The following CYP2F1 variants were observed in gnomAD, a reference collection of about 807,000 sequenced individuals.
CYP2F1 encodes the protein cytochrome P450 family 2 subfamily F member 1, also known as cytochrome P450 2F1.
A neutral mutation model predicts 40.4 loss-of-function variants in CYP2F1; 33 were observed. That is an observed-to-expected ratio of 0.82 (90% CI 0.62 to 1.09). The LOEUF is 1.09. CYP2F1 is among the 50% of genes least tolerant of loss of function. CYP2F1 has a pLI of 0.00. For missense variants in CYP2F1, 566 were observed against 655.7 expected (o/e 0.86, Z 1.49); for synonymous variants, 235 against 277.2 (o/e 0.85, Z 1.51).
At chr19:41,127,148 C>T (rs893809907) in intron 9 of CYP2F1, among the ~76,000 whole-genome samples, 2 of 152,178 alleles carry the variant, frequency 1.3e-5, no homozygotes, top group Admixed American at 1.3e-4. Flanking sequence ...TGTTACTCCA[C>T]TTCTCTGTGC....
chr19:41,122,822 GAGA>G lies in CYP2F1; in HGVS notation c.826_828del (p.Lys276del), dbSNP rs1372949066. 6 of 1,534,768 alleles carry G rather than the reference GAGA, an allele frequency of 3.9e-6. No individual in the cohort carries two copies. Among genetic ancestry groups the G allele is most frequent in the Non-Finnish European group, 2.6e-6 (3 of 1,140,056 alleles). On this transcript the variant is annotated inframe_deletion and splice_region_variant, in exon 7 of 10. Transcript: ENST00000331105. ...CATCCCCACCCCTCTACCAATGCAG[GAGA>G]AGGAGGACCCACTGAGCCACTTCCA...
rs2032618565 is a variant in CYP2F1 at position 41,128,106 on chromosome 19, C to T, written c.*24C>T. ...AACGCCCCGGCCCTTCCAGATTCGCCTGTGAGCGATGAGGCCCGCCCATGC... is the reference window on the plus strand; with the variant it reads ...AACGCCCCGGCCCTTCCAGATTCGCTTGTGAGCGATGAGGCCCGCCCATGC... On this transcript the variant is annotated 3_prime_UTR_variant, in exon 10 of 10. Transcript: ENST00000331105. 6.3e-7 allele frequency: 1 copy of T among 1,589,314 alleles called. No homozygotes were observed. The highest frequency in any genetic ancestry group is 8.6e-7 in the Non-Finnish European group (1 of 1,167,736).
rs979206615 is a variant in CYP2F1 at position 41,124,762 on chromosome 19, G to A, written c.1008G>A (p.Arg336=). The A allele has an allele frequency of 1.9e-6, 3 of 1,606,994 alleles. No individual in the cohort carries two copies. The highest frequency in any genetic ancestry group is 2.5e-6 in the Non-Finnish European group (3 of 1,179,386). ...TCGACCTCGTGGTGGGACGCGCGCG[G>A]CTGCCGGCGCTGAAGGACCGCGCGG... ...EEIDLVVGRA[R]LPALKDRAAM... is the part of the protein sequence containing the mutation. The change falls in exon 8 of 10, where the codon CGG becomes CGA. Residue 336 remains arginine (R), a synonymous_variant. Coordinates refer to ENST00000331105, the MANE Select transcript of CYP2F1 (RefSeq NM_000774.5).
rs368904004 is a variant in CYP2F1 at position 41,124,955 on chromosome 19, G to A, written c.1152+49G>A. The A allele has an allele frequency of 7.3e-6, 11 of 1,500,152 alleles. No homozygotes were observed. The South Asian group carries it at 8.8e-5, about 12-fold the overall frequency. The allele number at this position is 1,500,152 out of a possible 1,614,324, so 92.9% of individuals were successfully genotyped here. ...ATCAGGCAACCTAAGAGGAGGCATC[G>A]CAGGCTCTTGCACTGGCAAGGAGTA... is the stretch of plus-strand genomic sequence containing the variant. On this transcript the variant is annotated intron_variant, in intron 8 of 9. Transcript: ENST00000331105.
In CYP2F1 at chr19:41,116,483, C is replaced by T. The variant is rs2031814582; in HGVS notation, c.200C>T (p.Thr67Ile). 5 of 1,613,602 alleles carry T rather than the reference C, an allele frequency of 3.1e-6. No homozygotes were observed. The highest frequency in any genetic ancestry group is 2.7e-5 in the African/African-American group (2 of 74,892). The change falls in exon 3 of 10, where the codon ACA becomes ATA. Residue 67 changes from threonine (T) to isoleucine (I), a missense_variant. Thr to Ile is a moderately conservative substitution (Grantham distance 89, BLOSUM62 -1). Transcript: ENST00000331105. ...AGCAAGGAGTATGGCTCCATGTACA[C>T]AGTGCACCTGGGACCCAGGCGGGTG... ...KLSKEYGSMY[T>I]VHLGPRRVVV... is the part of the protein sequence containing the mutation.
intron 3 of CYP2F1, among the ~76,000 whole-genome samples, chr19:41,117,824 T>A (rs545164755): frequency 1.3e-4 from 19 of 143,068 alleles, no homozygotes; most frequent in African/African-American, 4.1e-4. Context: ...TCCTGTGGTC[T>A]TCAAACTTTA....
At position 41,122,095 on chromosome 19, in the gene CYP2F1, C is replaced by G. The variant is rs561045811; in HGVS notation, c.784C>G (p.Arg262Gly). ...HQASLDPRSP[R>G]DFIQCFLTKM... ...GGCCTCGCTAGACCCCAGATCTCCC[C>G]GGGACTTCATCCAGTGCTTCCTCAC... is the stretch of plus-strand genomic sequence containing the variant. Residue 262 changes from arginine (R) to glycine (G), a missense_variant, in exon 6 of 10, where the codon CGG (arginine) becomes GGG (glycine). By Grantham distance (125) the Arg-to-Gly change is moderately radical. Transcript: ENST00000331105. 1.3e-6 allele frequency: 2 copies of G among 1,541,942 alleles called. No homozygotes were observed. Among genetic ancestry groups the G allele is most frequent in the East Asian group, 2.3e-5 (1 of 44,238 alleles).
Position 41,125,275 on chromosome 19 carries a change from C to G in CYP2F1, c.1153-218C>G, listed in dbSNP as rs2032485944. The G allele has an allele frequency of 4.8e-6, 3 of 618,912 alleles. No homozygotes were observed. In the Admixed American group the frequency reaches 9.7e-5, roughly 20 times the overall value. 38.3% of individuals were successfully genotyped at this position (618,912 alleles called of 1,614,324 possible). A position where few individuals can be genotyped will look rare whatever the true frequency, so the allele number is the denominator to read the frequency against. On this transcript the variant is annotated intron_variant, in intron 8 of 9. Coordinates refer to ENST00000331105, the MANE Select transcript of CYP2F1 (RefSeq NM_000774.5). The stretch of plus-strand genomic sequence containing the variant: ...GTTCCCACAAAGGTTGGGGGTTTCC[C>G]ACATCCCTGCCAAAGTCCCCAATAA...
At chr19:41,125,313 C>T (rs1412316776) in intron 8 of CYP2F1, 180 bp from the exon 9 acceptor site, 10 of 603,256 alleles carry the variant, frequency 1.7e-5, no homozygotes, top group Non-Finnish European at 3.0e-5. Flanking sequence ...CAGCATATAG[C>T]ACCCATCACT....
chr19:41,119,719 C>A (rs866766566), intron 3 of CYP2F1, among the ~76,000 whole-genome samples: 254 of 37,970 alleles, frequency 6.7e-3, no homozygotes, highest in African/African-American at 0.011. Context: ...CTCTCTCTCT[C>A]TCTCTATATA....
intron 8 of CYP2F1, 40 bp from the exon 9 acceptor site, chr19:41,125,453 G>A: frequency 8.8e-7 from 1 of 1,131,872 alleles, no homozygotes; most frequent in Non-Finnish European, 1.3e-6. Flanking sequence ...GAGCCTCCCA[G>A]CCCTCCTACA....
intron 3 of CYP2F1, among the ~76,000 whole-genome samples, chr19:41,119,569 A>G (rs1038460734): frequency 4.0e-5 from 6 of 151,726 alleles, no homozygotes; most frequent in Non-Finnish European, 5.9e-5. Context: ...CATGCCTGTA[A>G]TCCCAGCTAC....
At chr19:41,118,326 G>A (rs2144748458) in intron 3 of CYP2F1, among the ~76,000 whole-genome samples, 1 of 152,090 alleles carries the variant, frequency 6.6e-6, no homozygotes, top group East Asian at 1.9e-4. Context: ...AGGATGGAAG[G>A]AAGCCATCAT....
At chr19:41,116,405 G>C in intron 2 of CYP2F1, 46 bp downstream of exon 2, 1 of 1,608,988 alleles carries the variant, frequency 6.2e-7, no homozygotes, top group East Asian at 2.2e-5. Context: ...TAAGGAGGAG[G>C]GGTCCCATGG....
At chr19:41,119,723 C>CTATATA (rs1290627675) in intron 3 of CYP2F1, among the ~76,000 whole-genome samples, 69 of 35,722 alleles carry the variant, frequency 1.9e-3, no homozygotes, top group African/African-American at 2.7e-3. Context: ...CTCTCTCTCT[C>CTATATA]TATATATATA....
intron 9 of CYP2F1, among the ~76,000 whole-genome samples, chr19:41,126,623 G>A (rs1319896331): frequency 1.3e-5 from 2 of 151,612 alleles, no homozygotes; most frequent in East Asian, 1.9e-4. Context: ...GTGGTGTGGT[G>A]TGCATCTGTG....
Position 41,115,783 on chromosome 19 carries a change from A to G in CYP2F1, c.-11-395A>G. Among the ~76,000 whole-genome samples the G allele has an allele frequency of 1.4e-5, 2 of 138,700 alleles. 1 individual carries two copies. Among genetic ancestry groups the G allele is most frequent in the East Asian group, 4.0e-4 (2 of 4,982 alleles). The allele number at this position is 138,700 out of a possible 152,430, so 91.0% of individuals were successfully genotyped here. Reference sequence around the variant, plus strand: ...AAGAAAGAAAAAGAAAAAAGAAAGAAAGAAAAAGAAAGGAAGGAAGGAAGG... The same window carrying G: ...AAGAAAGAAAAAGAAAAAAGAAAGAGAGAAAAAGAAAGGAAGGAAGGAAGG... On this transcript the variant is annotated intron_variant, in intron 1 of 9. Transcript: ENST00000331105.
At chr19:41,121,921 C>A in intron 5 of CYP2F1, 36 bp from the exon 6 acceptor site, 1 of 1,587,720 alleles carries the variant, frequency 6.3e-7, no homozygotes, top group Middle Eastern at 1.7e-4. Flanking sequence ...ACCCTTTGTC[C>A]TCCTCCAAAA....
Position 41,122,007 on chromosome 19 carries a change from A to C in CYP2F1, c.696A>C (p.Gln232His). ...SLLDWVPGPH[Q>H]RIFQNFKCLR... Reference sequence around the variant, plus strand: ...TGGACTGGGTGCCTGGGCCGCACCAACGCATCTTCCAGAACTTCAAGTGCC... The same window carrying C: ...TGGACTGGGTGCCTGGGCCGCACCACCGCATCTTCCAGAACTTCAAGTGCC... The change falls in exon 6 of 10, where the codon CAA becomes CAC. Residue 232 changes from glutamine (Q) to histidine (H), a missense_variant. This residue lies in a region of CYP2F1 where 62 missense variants were observed against 105.6 expected (regional missense o/e 0.59). Coordinates refer to ENST00000331105, the MANE Select transcript of CYP2F1 (RefSeq NM_000774.5). The C allele has an allele frequency of 6.2e-7, 1 of 1,612,976 alleles. No homozygotes were observed. Among genetic ancestry groups the C allele is most frequent in the East Asian group, 2.2e-5 (1 of 44,858 alleles).
Sources: allele counts gnomAD v4.1 joint callset (sites outside exome capture counted in the v4.1 genomes callset), GRCh38; gene constraint gnomAD v4.1.1; regional missense constraint gnomAD v4.1.1; transcripts MANE v1.5; gene names NCBI Gene and HGNC (gene_info 2026-07-23, HGNC 2026-07-21).